The following SMOC2 variants were observed in gnomAD, a reference collection of about 807,000 sequenced individuals.
SMOC2 encodes the protein SPARC-related modular calcium-binding protein 2.
SMOC2 carries 39 observed loss-of-function variants against 61.4 expected under a neutral mutation model. The ratio of observed to expected loss-of-function variants is 0.64; its 90% CI spans 0.49 to 0.83. The LOEUF (loss-of-function observed/expected upper bound fraction) is 0.83. SMOC2 is among the 40% of genes least tolerant of loss of function. The pLI is 0.00. For missense variants in SMOC2, 556 were observed against 592.9 expected, an observed-to-expected ratio of 0.94 and a Z score of 0.65; for synonymous variants, 247 against 239.9, an observed-to-expected ratio of 1.03 and a Z score of -0.27.
chr6:168,546,993 G>A (rs1784019464), intron 5 of SMOC2, 126 bp from the exon 6 acceptor site: 2 of 1,098,372 alleles, frequency 1.8e-6, no homozygotes, highest in Non-Finnish European at 2.8e-6. Context: ...GGTCTGTGTG[G>A]GGTTGCTGTT....
chr6:168,451,166 T>C (rs535485703), intron 1 of SMOC2, among the ~76,000 whole-genome samples: 10 of 152,172 alleles, frequency 6.6e-5, no homozygotes, highest in African/African-American at 2.2e-4. Flanking sequence ...GAGCTTTCCC[T>C]CCCTCCCTCG....
At chr6:168,624,064 C>G (rs1786321120) in intron 9 of SMOC2, among the ~76,000 whole-genome samples, 1 of 152,218 alleles carries the variant, frequency 6.6e-6, no homozygotes, top group Admixed American at 6.5e-5. Flanking sequence ...TCCCACAGGG[C>G]CGTTCTTAGG....
chr6:168,495,836 C>T (rs371664486), intron 1 of SMOC2, among the ~76,000 whole-genome samples: 16 of 152,270 alleles, frequency 1.1e-4, no homozygotes, highest in African/African-American at 3.6e-4. Context: ...ATGGTGGCTT[C>T]ACCCACCTGC....
chr6:168,601,339 C>T (rs1332797037), intron 8 of SMOC2, among the ~76,000 whole-genome samples: 1 of 152,210 alleles, frequency 6.6e-6, no homozygotes. Flanking sequence ...GGCTGACCGC[C>T]TGCTCTCGAC....
intron 9 of SMOC2, among the ~76,000 whole-genome samples, chr6:168,628,070 C>T (rs957294445): frequency 1.9e-4 from 29 of 152,348 alleles, no homozygotes; most frequent in African/African-American, 6.5e-4. Flanking sequence ...CCACCTTCCT[C>T]ACCCCACAAG....
rs553767745 is a variant in SMOC2, at chr6:168,482,532, G to A, written c.85-27383G>A. ...CCTTCTTGAATGATTTAAGAAGAGG[G>A]AACACTTTCTAATTCTTTGTATGAG... On this transcript the variant is annotated intron_variant, in intron 1 of 12. Coordinates refer to ENST00000356284, the MANE Select transcript of SMOC2 (RefSeq NM_001166412.2). 2.0e-5 allele frequency among the ~76,000 whole-genome samples: 3 copies of A among 152,106 alleles called. No homozygotes were observed. The East Asian group carries it at 5.8e-4, about 29-fold the overall frequency.
chr6:168,600,452 T>G (rs1342509849), intron 8 of SMOC2, among the ~76,000 whole-genome samples: 33 of 139,774 alleles, frequency 2.4e-4, no homozygotes, highest in Non-Finnish European at 2.6e-4. Flanking sequence ...AAAACAGTAG[T>G]TTCAACTGTT....
At chr6:168,562,911 T>G (rs530735504) in intron 7 of SMOC2, among the ~76,000 whole-genome samples, 34 of 152,274 alleles carry the variant, frequency 2.2e-4, no homozygotes, top group South Asian at 1.9e-3. Flanking sequence ...AGAATCTTTC[T>G]CCTAAAAGCT....
chr6:168,648,801 T>G (rs911944), intron 9 of SMOC2, among the ~76,000 whole-genome samples: 1 of 152,154 alleles, frequency 6.6e-6, no homozygotes, highest in South Asian at 2.1e-4. Context: ...CTGTGGAGTC[T>G]TGCTATCGGC....
chr6:168,486,632 T>C (rs1414177995), intron 1 of SMOC2, among the ~76,000 whole-genome samples: 1 of 151,402 alleles, frequency 6.6e-6, no homozygotes, highest in Non-Finnish European at 1.5e-5. Context: ...GCACTGGCTG[T>C]GAGCGCATCC....
intron 6 of SMOC2, 100 bp downstream of exon 6, chr6:168,547,269 C>G: frequency 1.0e-6 from 1 of 979,696 alleles, no homozygotes; most frequent in Non-Finnish European, 1.6e-6. Context: ...GAGCTCCGTT[C>G]AGTATGGAGT....
chr6:168,651,259 A>G (rs1787184058), intron 10 of SMOC2, among the ~76,000 whole-genome samples: 1 of 152,230 alleles, frequency 6.6e-6, no homozygotes, highest in South Asian at 2.1e-4. Flanking sequence ...ATTCAGTTAC[A>G]TCAAAGACAT....
At chr6:168,634,042 G>T (rs1172950985) in intron 9 of SMOC2, among the ~76,000 whole-genome samples, 1 of 152,286 alleles carries the variant, frequency 6.6e-6, no homozygotes, top group African/African-American at 2.4e-5. Context: ...TTCCCCTTCT[G>T]CCATGATTGT....
intron 9 of SMOC2, among the ~76,000 whole-genome samples, chr6:168,642,381 G>A (rs7744834): frequency 0.15 from 22,633 of 152,212 alleles, 2,158 homozygotes; most frequent in African/African-American, 0.27. Flanking sequence ...TGTAGGCTAC[G>A]GTCTGTTGAC....
chr6:168,557,606 C>T (rs1784278832), intron 7 of SMOC2, among the ~76,000 whole-genome samples: 2 of 152,226 alleles, frequency 1.3e-5, no homozygotes, highest in Non-Finnish European at 2.9e-5. Context: ...ATATAAATGA[C>T]ATCAACTCCT....
chr6:168,601,390 C>A (rs114393975), intron 8 of SMOC2, among the ~76,000 whole-genome samples: 1 of 152,336 alleles, frequency 6.6e-6, no homozygotes, highest in Non-Finnish European at 1.5e-5. Context: ...CTGAGGCCAG[C>A]GGCTGAGGCT....
Position 168,535,051 on chromosome 6 carries a change from A to T in SMOC2, c.463+7324A>T, listed in dbSNP as rs915094295. ...AGTGGCACAATCTCGGCTCACTGCAACCTCCGCCTCCGGGGTTCAAGCGAT... is the reference window on the plus strand; with the variant it reads ...AGTGGCACAATCTCGGCTCACTGCATCCTCCGCCTCCGGGGTTCAAGCGAT... On this transcript the variant is annotated intron_variant, in intron 4 of 12. Coordinates refer to ENST00000356284, the MANE Select transcript of SMOC2 (RefSeq NM_001166412.2). The surrounding 1 kb of genome is among the most constrained non-coding windows in gnomAD (Gnocchi z 4.6). 1.8e-4 allele frequency among the ~76,000 whole-genome samples: 27 copies of T among 151,904 alleles called. No homozygotes were observed. Among genetic ancestry groups the T allele is most frequent in the African/African-American group, 6.3e-4 (26 of 41,416 alleles).
intron 7 of SMOC2, among the ~76,000 whole-genome samples, chr6:168,565,409 C>T (rs1216055026): frequency 1.3e-5 from 2 of 152,044 alleles, no homozygotes; most frequent in African/African-American, 4.8e-5. Context: ...TGTGGTGTTC[C>T]CTCTGTGTTC....
intron 6 of SMOC2, among the ~76,000 whole-genome samples, chr6:168,547,910 A>G (rs1020257965): frequency 4.6e-5 from 7 of 152,172 alleles, no homozygotes; most frequent in African/African-American, 1.7e-4. Flanking sequence ...AGCTTGGATA[A>G]TATAAAATGT....
Sources: gnomAD v4.1 joint callset for allele counts (sites outside exome capture counted in the v4.1 genomes callset) on GRCh38, gnomAD v4.1.1 for gene constraint, Gnocchi (gnomAD v3.1) non-coding constraint, MANE v1.5 for transcripts, NCBI Gene and HGNC (gene_info 2026-07-23, HGNC 2026-07-21) for gene names.